The following MGRN1 variants were observed in gnomAD, a reference collection of about 807,000 sequenced individuals.
MGRN1 encodes the protein mahogunin ring finger 1.
Under a neutral mutation model 69.2 loss-of-function variants are expected in MGRN1, and 29 were observed. The observed-to-expected ratio is 0.42, with a 90% CI of 0.31 to 0.57. The LOEUF (loss-of-function observed/expected upper bound fraction) is 0.57. Among genes scored for constraint, MGRN1 ranks in the 20% least tolerant of loss-of-function variants. The probability of loss-of-function intolerance (pLI) is 0.15; values close to 1 mark genes in which losing one functional copy is unlikely to be tolerated. For missense variants in MGRN1, 998 were observed against 796.2 expected (o/e 1.25, Z -3.05); for synonymous variants, 470 against 344.2 (o/e 1.37, Z -4.04).
At chr16:4,688,773 C>G in intron 16 of MGRN1, 23 bp from the exon 17 acceptor site, 4 of 1,526,438 alleles carry the variant, frequency 2.6e-6, no homozygotes, top group Non-Finnish European at 2.7e-6. Context: ...GTGTGACCCT[C>G]CTCCCTCTGC....
rs372776961 is a variant in MGRN1 at position 4,650,501 on chromosome 16, T to C, written c.207+18T>C. 2.3e-4 allele frequency: 361 copies of C among 1,580,706 alleles called. No homozygotes were observed. Among genetic ancestry groups the C allele is most frequent in the Non-Finnish European group, 2.9e-4 (336 of 1,160,438 alleles). On this transcript the variant is annotated intron_variant, in intron 2 of 16. Transcript: ENST00000262370. Reference sequence around the variant, plus strand: ...CGGTCCAGGTGGGTCTGGACAGGGCTGTCTCATGGGGCTGTGGGGGTGGGA... The same window carrying C: ...CGGTCCAGGTGGGTCTGGACAGGGCCGTCTCATGGGGCTGTGGGGGTGGGA...
At chr16:4,682,779 G>T (rs2079217845) in intron 13 of MGRN1, 44 bp from the exon 14 acceptor site, 1 of 1,482,166 alleles carries the variant, frequency 6.7e-7, no homozygotes, top group South Asian at 1.4e-5. Flanking sequence ...AGCCTTCCTT[G>T]TCGTTATCCT....
At chr16:4,637,916 C>G (rs1258102856) in intron 1 of MGRN1, among the ~76,000 whole-genome samples, 1 of 152,152 alleles carries the variant, frequency 6.6e-6, no homozygotes, top group Non-Finnish European at 1.5e-5. Context: ...GACACACCCC[C>G]AACAAAAAAG....
intron 11 of MGRN1, among the ~76,000 whole-genome samples, chr16:4,679,007 G>A (rs1436227961): frequency 1.3e-5 from 2 of 152,218 alleles, no homozygotes; most frequent in African/African-American, 4.8e-5. Context: ...ATCTGACATG[G>A]TCTTGATGCT....
At chr16:4,685,370 C>CAG (rs2079287079) in intron 16 of MGRN1, among the ~76,000 whole-genome samples, 1 of 152,222 alleles carries the variant, frequency 6.6e-6, no homozygotes, top group African/African-American at 2.4e-5. Context: ...GAGGCCCACA[C>CAG]AGAGGAGGCC....
intron 16 of MGRN1, among the ~76,000 whole-genome samples, chr16:4,684,391 G>A (rs933231085): frequency 3.2e-4 from 48 of 152,378 alleles, no homozygotes; most frequent in African/African-American, 1.1e-3. Flanking sequence ...CCTGAGAGCT[G>A]CAGACAGAGC....
At position 4,657,234 on chromosome 16, in the gene MGRN1, G is replaced by A. The variant is rs759077101; in HGVS notation, c.444-12G>A. 6.2e-7 allele frequency: 1 copy of A among 1,612,056 alleles called. No individual in the cohort carries two copies. Among genetic ancestry groups the A allele is most frequent in the Non-Finnish European group, 8.5e-7 (1 of 1,178,302 alleles). ...TGCCGCAGCCTCACTGCTTGCTCCT[G>A]GCTCCCTGCAGATACAGCCCCAAGA... On this transcript the variant is annotated splice_polypyrimidine_tract_variant and intron_variant, in intron 4 of 16. Coordinates refer to ENST00000262370, the MANE Select transcript of MGRN1 (RefSeq NM_015246.4).
chr16:4,650,692 AG>A, intron 2 of MGRN1: 2 of 436,964 alleles, frequency 4.6e-6, no homozygotes, highest in Non-Finnish European at 8.1e-6. Flanking sequence ...CCAGATGGCC[AG>A]GGGCAGGTCA....
intron 11 of MGRN1, among the ~76,000 whole-genome samples, chr16:4,678,308 C>T (rs2079098942): frequency 6.6e-6 from 1 of 152,118 alleles, no homozygotes; most frequent in African/African-American, 2.4e-5. Context: ...ACCCTGGCTT[C>T]AAGGACCCAA....
At position 4,682,876 on chromosome 16, in the gene MGRN1, C is replaced by A. The variant is rs543055292; in HGVS notation, c.1412C>A (p.Ser471Tyr). The change falls in exon 14 of 17, where the codon TCC (serine) becomes TAC (tyrosine). Residue 471 changes from serine to tyrosine, a missense_variant. Ser to Tyr is a moderately radical substitution (Grantham distance 144, BLOSUM62 -2). Coordinates refer to ENST00000262370, the MANE Select transcript of MGRN1 (RefSeq NM_015246.4). ...PIHEEDEEKL[S>Y]EDVDAPPPLG... is the part of the protein sequence containing the mutation. ...CACGAAGAGGATGAGGAGAAGCTCTCCGAGGACGTGGACGCCCCTCCCCCA... is the reference window on the plus strand; with the variant it reads ...CACGAAGAGGATGAGGAGAAGCTCTACGAGGACGTGGACGCCCCTCCCCCA... 9 of 1,610,144 alleles carry A rather than the reference C, an allele frequency of 5.6e-6. No homozygotes were observed. In the African/African-American group the frequency reaches 1.2e-4, roughly 22 times the overall value.
chr16:4,668,406 CACACGCACATATACTCAT>C, intron 8 of MGRN1, 94 bp downstream of exon 8: 1 of 1,330,434 alleles, frequency 7.5e-7, no homozygotes, highest in Middle Eastern at 1.8e-4. Context: ...CACACTCATA[CACACGCACATATACTCAT>C]ACACGCTCAT....
At chr16:4,641,666 C>A (rs1437696175) in intron 1 of MGRN1, among the ~76,000 whole-genome samples, 1 of 151,790 alleles carries the variant, frequency 6.6e-6, no homozygotes, top group Non-Finnish European at 1.5e-5. Context: ...TTACAGGCAC[C>A]CACCACCATG....
intron 3 of MGRN1, among the ~76,000 whole-genome samples, chr16:4,652,440 C>T (rs968718386): frequency 9.9e-5 from 15 of 152,176 alleles, no homozygotes; most frequent in Non-Finnish European, 1.5e-4. Flanking sequence ...CTTGAGGCAT[C>T]TGGGGCTGTC....
chr16:4,680,208 C>T lies in MGRN1; in HGVS notation c.1131+111C>T, dbSNP rs1375222097. ...CAGGCTAGTGTCTGATTCATATAAC[C>T]CGTCAGCTCCACTTGCCCAGTCCCG... On this transcript the variant is annotated intron_variant, in intron 12 of 16. Transcript: ENST00000262370. The T allele has an allele frequency of 1.0e-5, 11 of 1,064,732 alleles. No individual in the cohort carries two copies. In the Admixed American group the frequency reaches 2.2e-4, roughly 21 times the overall value. 66.0% of individuals were successfully genotyped at this position (1,064,732 alleles called of 1,614,324 possible). A position where few individuals can be genotyped will look rare whatever the true frequency, so the allele number is the denominator to read the frequency against.
At chr16:4,652,118 C>T (rs2078422564) in intron 3 of MGRN1, 67 bp downstream of exon 3, 2 of 1,498,560 alleles carry the variant, frequency 1.3e-6, no homozygotes, top group African/African-American at 1.4e-5. Flanking sequence ...GAGGTTCTGG[C>T]TTGATGCTTG....
chr16:4,649,726 A>C (rs751533231), intron 1 of MGRN1: 1 of 152,634 alleles, frequency 6.6e-6, no homozygotes, highest in Non-Finnish European at 1.5e-5. Context: ...ACTTCATCGG[A>C]AACACAGCTC....
intron 16 of MGRN1, chr16:4,686,525 GTC>G (rs1188316132): frequency 1.5e-6 from 2 of 1,371,454 alleles, no homozygotes; most frequent in Non-Finnish European, 1.9e-6. Flanking sequence ...GGGGCCAGAG[GTC>G]TCTCCATCTG....
At chr16:4,657,777 G>A (rs1023466619) in intron 5 of MGRN1, among the ~76,000 whole-genome samples, 2 of 111,028 alleles carry the variant, frequency 1.8e-5, no homozygotes, top group Non-Finnish European at 3.4e-5. Context: ...AGACAGTCTC[G>A]CTCTGTCGCC....
At chr16:4,680,173 G>T in intron 12 of MGRN1, 76 bp downstream of exon 12, 1 of 1,421,346 alleles carries the variant, frequency 7.0e-7, no homozygotes, top group South Asian at 1.2e-5. Context: ...AGGGGAGATC[G>T]TTTCCGCCCC....
Sources: allele counts gnomAD v4.1 joint callset (sites outside exome capture counted in the v4.1 genomes callset), GRCh38; gene constraint gnomAD v4.1.1; transcripts MANE v1.5; gene names NCBI Gene and HGNC (gene_info 2026-07-23, HGNC 2026-07-21).